DNAJC25: variants seen among roughly 807,000 people sequenced by gnomAD.
DNAJC25 encodes the protein dnaJ homolog subfamily C member 25.
DNAJC25 carries 26 observed loss-of-function variants against 42.1 expected under a neutral mutation model. That is an observed-to-expected ratio of 0.62 (90% CI 0.45 to 0.86). DNAJC25 has a LOEUF of 0.86. Among genes scored for constraint, DNAJC25 ranks in the 40% least tolerant of loss-of-function variants. DNAJC25 has a pLI of 0.00. For synonymous variants in DNAJC25, 189 were observed against 179.9 expected, an observed-to-expected ratio of 1.05 and a Z score of -0.40; for missense variants, 404 against 459.4, an observed-to-expected ratio of 0.88 and a Z score of 1.10.
chr9:111,649,738 T>G lies in DNAJC25; in HGVS notation c.775T>G (p.Tyr259Asp). The G allele has an allele frequency of 6.2e-7, 1 of 1,614,158 alleles. No individual in the cohort carries two copies. The highest frequency in any genetic ancestry group is 8.5e-7 in the Non-Finnish European group (1 of 1,180,020). Residue 259 changes from tyrosine to aspartate, a missense_variant, in exon 3 of 4, where the codon TAT (tyrosine) becomes GAT (aspartate). Tyr to Asp is a radical substitution (Grantham distance 160, BLOSUM62 -3). Transcript: ENST00000313525. ...IILAPFHLCS[Y>D]IVWYCRWIYN... is the part of the protein sequence containing the mutation. The stretch of plus-strand genomic sequence containing the variant: ...CTTAGCTCCTTTTCACCTATGCTCA[T>G]ATATAGTTTGGTATTGTCGGTGGAT...
Position 111,653,117 on chromosome 9 carries a change from A to G in DNAJC25, c.978A>G (p.Gln326=). 1 of 1,603,690 alleles carries G rather than the reference A, an allele frequency of 6.2e-7. No individual in the cohort carries two copies. Among genetic ancestry groups the G allele is most frequent in the Non-Finnish European group, 8.5e-7 (1 of 1,173,960 alleles). ...ACTTACAGGTCTACAAGCAAGAACA[A>G]GAGGAAGAATTAAAGAAAAAGTTGG... is the stretch of plus-strand genomic sequence containing the variant. ...KENYEVYKQE[Q]EEELKKKLAN... Residue 326 remains glutamine (Q), a synonymous_variant, in exon 4 of 4, where the codon CAA becomes CAG. Transcript: ENST00000313525.
At chr9:111,645,277 CAG>C (rs1830551601) in intron 1 of DNAJC25, among the ~76,000 whole-genome samples, 1 of 146,634 alleles carries the variant, frequency 6.8e-6, no homozygotes, top group African/African-American at 2.5e-5. Context: ...TTTTTGGAGA[CAG>C]AGTCTCGCTC....
intron 1 of DNAJC25, among the ~76,000 whole-genome samples, chr9:111,643,587 A>C (rs995637114): frequency 6.6e-6 from 1 of 152,238 alleles, no homozygotes; most frequent in African/African-American, 2.4e-5. Context: ...ACCAAATTCC[A>C]GAAATTGCTG....
At chr9:111,635,635 A>G (rs1447212371) in intron 1 of DNAJC25, among the ~76,000 whole-genome samples, 1 of 152,248 alleles carries the variant, frequency 6.6e-6, no homozygotes, top group African/African-American at 2.4e-5. Context: ...TGCACTTAGA[A>G]AAACTATGAT....
chr9:111,636,842 G>C (rs1472717524), intron 1 of DNAJC25, among the ~76,000 whole-genome samples: 1 of 152,114 alleles, frequency 6.6e-6, no homozygotes, highest in East Asian at 1.9e-4. Context: ...CTGGAAAAAT[G>C]ATGTGGTAGT....
intron 1 of DNAJC25, among the ~76,000 whole-genome samples, chr9:111,635,072 A>T (rs986680319): frequency 6.6e-6 from 1 of 152,208 alleles, no homozygotes; most frequent in East Asian, 1.9e-4. Flanking sequence ...GGATTTAGGG[A>T]GTTTATGGAC....
chr9:111,652,592 A>AT (rs1318904470), intron 3 of DNAJC25, among the ~76,000 whole-genome samples: 1 of 146,666 alleles, frequency 6.8e-6, no homozygotes, highest in Non-Finnish European at 1.5e-5. Context: ...CCCAGGCTGG[A>AT]GTGCAATGGC....
chr9:111,645,970 A>T (rs1830563041), intron 1 of DNAJC25, among the ~76,000 whole-genome samples: 1 of 152,052 alleles, frequency 6.6e-6, no homozygotes, highest in Non-Finnish European at 1.5e-5. Flanking sequence ...ACAAGGTCTC[A>T]CTATGCTGCC....
At chr9:111,645,436 G>A (rs547706831) in intron 1 of DNAJC25, among the ~76,000 whole-genome samples, 2 of 152,204 alleles carry the variant, frequency 1.3e-5, no homozygotes, top group Middle Eastern at 3.4e-3. Context: ...TGTATTTTCA[G>A]TAGAAATGGG....
intron 2 of DNAJC25, among the ~76,000 whole-genome samples, chr9:111,649,023 T>G (rs1830608178): frequency 6.6e-6 from 1 of 152,300 alleles, no homozygotes; most frequent in East Asian, 1.9e-4. Flanking sequence ...GTCTATACAC[T>G]ATGAGTTTTT....
intron 1 of DNAJC25, among the ~76,000 whole-genome samples, chr9:111,640,833 G>T (rs1830443889): frequency 7.7e-6 from 1 of 129,426 alleles, no homozygotes; most frequent in Non-Finnish European, 1.6e-5. Flanking sequence ...CGGGAGGGAG[G>T]TGGGGGGGGC....
intron 1 of DNAJC25, among the ~76,000 whole-genome samples, chr9:111,645,039 A>G (rs1367566317): frequency 1.3e-5 from 2 of 152,216 alleles, no homozygotes; most frequent in East Asian, 3.8e-4. Context: ...ACTGAAGAGA[A>G]CATACAAGGA....
chr9:111,639,903 C>T (rs1285129714), intron 1 of DNAJC25, among the ~76,000 whole-genome samples: 1 of 68,346 alleles, frequency 1.5e-5, no homozygotes, highest in African/African-American at 4.6e-5. Context: ...AGGAGCTCTC[C>T]CTCTCCCTCT....
intron 1 of DNAJC25, 192 bp from the exon 2 acceptor site, chr9:111,646,915 T>G: frequency 2.1e-6 from 1 of 485,958 alleles, no homozygotes; most frequent in East Asian, 3.5e-5. Context: ...TGCTTTTATA[T>G]CTAACATTGA....
chr9:111,632,290 T>G (rs1410430000), intron 1 of DNAJC25, among the ~76,000 whole-genome samples: 1 of 148,500 alleles, frequency 6.7e-6, no homozygotes, highest in Non-Finnish European at 1.5e-5. Flanking sequence ...CCTTGGATAG[T>G]GACTTATTAT....
chr9:111,634,953 C>G (rs1830342202), intron 1 of DNAJC25, among the ~76,000 whole-genome samples: 1 of 152,150 alleles, frequency 6.6e-6, no homozygotes, highest in Non-Finnish European at 1.5e-5. Flanking sequence ...TTCAGATTCC[C>G]AAATAAATTA....
intron 1 of DNAJC25, among the ~76,000 whole-genome samples, chr9:111,644,529 G>A (rs182405314): frequency 3.2e-4 from 49 of 152,256 alleles, no homozygotes; most frequent in Admixed American, 2.0e-3. Context: ...CATGATGTCC[G>A]CTTACCAGAT....
chr9:111,641,692 C>T (rs1830472200), intron 1 of DNAJC25, among the ~76,000 whole-genome samples: 1 of 140,670 alleles, frequency 7.1e-6, no homozygotes, highest in African/African-American at 2.7e-5. Context: ...GGGTCAGCCC[C>T]CCTGCCCGGC....
At chr9:111,639,681 A>G (rs1830414855) in intron 1 of DNAJC25, among the ~76,000 whole-genome samples, 4 of 151,302 alleles carry the variant, frequency 2.6e-5, no homozygotes, top group Admixed American at 2.6e-4. Context: ...ATCATTTCAA[A>G]AAAATGTGTG....
Sources: gnomAD v4.1 joint callset for allele counts (sites outside exome capture counted in the v4.1 genomes callset) on GRCh38, gnomAD v4.1.1 for gene constraint, MANE v1.5 for transcripts, NCBI Gene and HGNC (gene_info 2026-07-23, HGNC 2026-07-21) for gene names.